The following FRMD4A variants were observed in gnomAD, a reference collection of about 807,000 sequenced individuals.
The protein encoded by FRMD4A is FERM domain-containing protein 4A.
FRMD4A carries 29 observed loss-of-function variants against 129.1 expected under a neutral mutation model. The observed-to-expected ratio is 0.22, with a 90% CI of 0.17 to 0.31. The LOEUF is 0.31. FRMD4A is among the 10% of genes least tolerant of loss of function. FRMD4A has a pLI of 1.00. For missense variants in FRMD4A, 1,272 were observed against 1,375.8 expected, an observed-to-expected ratio of 0.92 and a Z score of 1.19; for synonymous variants, 634 against 571.6, an observed-to-expected ratio of 1.11 and a Z score of -1.56.
intron 8 of FRMD4A, among the ~76,000 whole-genome samples, chr10:13,750,773 C>G (rs1430539482): frequency 1.3e-5 from 2 of 152,168 alleles, no homozygotes; most frequent in African/African-American, 2.4e-5. Flanking sequence ...AGGAGGCAGA[C>G]AGCAGGACAG....
At chr10:14,198,577 C>T (rs1842540251) in intron 2 of FRMD4A, among the ~76,000 whole-genome samples, 1 of 152,132 alleles carries the variant, frequency 6.6e-6, no homozygotes, top group African/African-American at 2.4e-5. Context: ...CAGTTTGTTT[C>T]CTCTCATTTC....
In FRMD4A at chr10:13,659,109, G is replaced by A. The variant is rs151334379; in HGVS notation, c.2066+214C>T. On this transcript the variant is annotated intron_variant, in intron 21 of 24. Transcript: ENST00000357447. ...CCATGCTCCCTGTCTCCAGAAGCCCGGGGATTCTTTGGCTGACTCCAAGTG... is the reference window on the plus strand; with the variant it reads ...CCATGCTCCCTGTCTCCAGAAGCCCAGGGATTCTTTGGCTGACTCCAAGTG... 1.8e-4 allele frequency among the ~76,000 whole-genome samples: 27 copies of A among 152,266 alleles called. No homozygotes were observed. In the East Asian group the frequency reaches 3.7e-3, roughly 21 times the overall value.
intron 2 of FRMD4A, among the ~76,000 whole-genome samples, chr10:14,207,686 CCACACACACACACA>C (rs56740311): frequency 6.9e-6 from 1 of 145,842 alleles, no homozygotes; most frequent in African/African-American, 2.5e-5. Flanking sequence ...TCCTAGGTAA[CCACACACACACACA>C]CACACACACA....
At chr10:14,091,811 A>C (rs569298379) in intron 2 of FRMD4A, among the ~76,000 whole-genome samples, 1 of 152,312 alleles carries the variant, frequency 6.6e-6, no homozygotes, top group East Asian at 1.9e-4. Context: ...CTTGGCACTT[A>C]TTTACTTTTC....
At chr10:14,000,646 C>CAAAA (rs11377448) in intron 2 of FRMD4A, among the ~76,000 whole-genome samples, 16 of 43,444 alleles carry the variant, frequency 3.7e-4, no homozygotes, top group East Asian at 1.3e-3. Context: ...GACGCCACCT[C>CAAAA]AAAAAAAAAA....
intron 2 of FRMD4A, among the ~76,000 whole-genome samples, chr10:13,954,742 C>G (rs1049087792): frequency 6.6e-6 from 1 of 152,194 alleles, no homozygotes; most frequent in Admixed American, 6.5e-5. Flanking sequence ...CATCACAGCC[C>G]TGCCAAGGCA....
rs148913321 is a variant in FRMD4A at position 14,243,830 on chromosome 10, T to TG, written c.45+86227_45+86228insC. On this transcript the variant is annotated intron_variant, in intron 2 of 24. Transcript: ENST00000357447. ...CTTTGTTATGTATATATTACCACAA[T>TG]TAAAAAAAAAAAAAGGAGTAGTCAG... 3.5e-5 allele frequency among the ~76,000 whole-genome samples: 5 copies of TG among 142,700 alleles called. No homozygotes were observed. In the East Asian group the frequency reaches 1.0e-3, roughly 29 times the overall value. 93.6% of individuals were successfully genotyped at this position (142,700 alleles called of 152,430 possible).
At chr10:14,185,525 A>G (rs1012664099) in intron 2 of FRMD4A, among the ~76,000 whole-genome samples, 6 of 152,222 alleles carry the variant, frequency 3.9e-5, no homozygotes, top group East Asian at 3.8e-4. Flanking sequence ...GGTTTGTTGT[A>G]GAACTATGGA....
In FRMD4A at chr10:13,773,109, A is replaced by G. The variant is rs7921248; in HGVS notation, c.384+9813T>C. Among the ~76,000 whole-genome samples the G allele has an allele frequency of 3.5e-3, 539 of 152,334 alleles. 2 individuals are homozygous for G. The highest frequency in any genetic ancestry group is 0.011 in the African/African-American group (471 of 41,574). On this transcript the variant is annotated intron_variant, in intron 6 of 24. Coordinates refer to ENST00000357447, the MANE Select transcript of FRMD4A (RefSeq NM_018027.5). ...ATGTACCCACAACAATTAAAAATTT[A>G]AAAAACCAAAGTAAACATGGTAAGT...
At chr10:13,673,579 T>TGCGC (rs558506971) in intron 16 of FRMD4A, among the ~76,000 whole-genome samples, 5 of 147,576 alleles carry the variant, frequency 3.4e-5, no homozygotes, top group South Asian at 2.1e-4. Flanking sequence ...TGTGCATGCG[T>TGCGC]GCGCGCGCGC....
At position 13,740,558 on chromosome 10, in the gene FRMD4A, G is replaced by T; in HGVS notation, c.568C>A (p.His190Asn). ...LAYCEDRVIE[H>N]YKKLNGQTRG... is the part of the protein sequence containing the mutation. ...GTCTGACCGTTCAGTTTCTTGTAGT[G>T]CTCAATGACTCTGTCTTCACTGTAA... Residue 190 changes from histidine (H) to asparagine (N), a missense_variant, in exon 10 of 25, where the codon CAC becomes AAC. Coordinates refer to ENST00000357447, the MANE Select transcript of FRMD4A (RefSeq NM_018027.5). 1.1e-5 allele frequency: 18 copies of T among 1,580,920 alleles called. No individual in the cohort carries two copies. Among genetic ancestry groups the T allele is most frequent in the Non-Finnish European group, 1.6e-5 (18 of 1,153,788 alleles).
chr10:14,023,420 T>C lies in FRMD4A; in HGVS notation c.46-164508A>G, dbSNP rs546040853. Reference sequence around the variant, plus strand: ...CTGAAAAGGACTCAGTGATGTACTATAAAGAAAGCGCCAACCTTCCATAGC... The same window carrying C: ...CTGAAAAGGACTCAGTGATGTACTACAAAGAAAGCGCCAACCTTCCATAGC... On this transcript the variant is annotated intron_variant, in intron 2 of 24. Transcript: ENST00000357447. 7.7e-4 allele frequency among the ~76,000 whole-genome samples: 117 copies of C among 152,198 alleles called. 1 individual carries two copies. Among genetic ancestry groups the C allele is most frequent in the African/African-American group, 2.7e-3 (112 of 41,536 alleles).
At chr10:13,854,988 A>G (rs2094193856) in intron 3 of FRMD4A, among the ~76,000 whole-genome samples, 1 of 152,156 alleles carries the variant, frequency 6.6e-6, no homozygotes, top group Non-Finnish European at 1.5e-5. Flanking sequence ...GGATTTAGGG[A>G]TGAGCGTCTC....
chr10:13,848,448 C>T (rs979366420), intron 3 of FRMD4A, among the ~76,000 whole-genome samples: 5 of 150,822 alleles, frequency 3.3e-5, no homozygotes, highest in African/African-American at 1.2e-4. Flanking sequence ...GGACAAGGAG[C>T]ACAGACATGG....
intron 3 of FRMD4A, among the ~76,000 whole-genome samples, chr10:13,856,512 T>C (rs1446086446): frequency 6.6e-6 from 1 of 151,790 alleles, no homozygotes; most frequent in Non-Finnish European, 1.5e-5. Flanking sequence ...GGCCATGTCA[T>C]AAGAAAGAAA....
At chr10:13,701,992 G>A (rs2086875674) in intron 13 of FRMD4A, among the ~76,000 whole-genome samples, 1 of 152,212 alleles carries the variant, frequency 6.6e-6, no homozygotes, top group Admixed American at 6.5e-5. Flanking sequence ...TATTCAGAGG[G>A]CAGGGAGGGT....
intron 2 of FRMD4A, among the ~76,000 whole-genome samples, chr10:14,247,079 G>A (rs1355788755): frequency 6.6e-6 from 1 of 152,132 alleles, no homozygotes; most frequent in Non-Finnish European, 1.5e-5. Context: ...GGACTCGCAA[G>A]CTCTTCTAGC....
At chr10:13,840,098 G>T (rs2093939125) in intron 3 of FRMD4A, among the ~76,000 whole-genome samples, 1 of 152,206 alleles carries the variant, frequency 6.6e-6, no homozygotes. Context: ...CACTGTTAGG[G>T]ACTGAACTAT....
chr10:14,005,164 A>C (rs2095657572), intron 2 of FRMD4A, among the ~76,000 whole-genome samples: 1 of 152,042 alleles, frequency 6.6e-6, no homozygotes, highest in African/African-American at 2.4e-5. Context: ...CTGGGATTAT[A>C]AGCGCATACC....
Sources: gnomAD v4.1 joint callset for allele counts (sites outside exome capture counted in the v4.1 genomes callset) on GRCh38, gnomAD v4.1.1 for gene constraint, MANE v1.5 for transcripts, NCBI Gene and HGNC (gene_info 2026-07-23, HGNC 2026-07-21) for gene names.